AATK: variants seen among roughly 807,000 people sequenced by gnomAD.
The protein encoded by AATK is lemur tail kinase 1.
Under a neutral mutation model 114.3 loss-of-function variants are expected in AATK, and 91 were observed. The observed-to-expected ratio is 0.80, with a 90% CI of 0.67 to 0.95. The LOEUF (loss-of-function observed/expected upper bound fraction) is 0.95, where lower values mean the gene tolerates loss of function less well. Among genes scored for constraint, AATK ranks in the 40% least tolerant of loss-of-function variants. The probability of loss-of-function intolerance (pLI) is 0.00; values close to 1 mark genes in which losing one functional copy is unlikely to be tolerated. For synonymous variants in AATK, 1,075 were observed against 916.5 expected (o/e 1.17, Z -3.12); for missense variants, 2,176 against 1,965.2 (o/e 1.11, Z -2.03).
chr17:81,122,761 T>C lies in AATK; in HGVS notation c.1175A>G (p.His392Arg). 1 of 1,598,572 alleles carries C rather than the reference T, an allele frequency of 6.3e-7. No individual in the cohort carries two copies. The highest frequency in any genetic ancestry group is 8.5e-7 in the Non-Finnish European group (1 of 1,173,760). Residue 392 changes from histidine to arginine, a missense_variant, in exon 11 of 14, where the codon CAC (histidine) becomes CGC (arginine). By Grantham distance (29) the His-to-Arg change is conservative. Coordinates refer to ENST00000326724, the MANE Select transcript of AATK (RefSeq NM_001080395.3). ...GGCACACAGGTAGGACAGCAGCAGG[T>C]GCACCTCCTCGGCTGTGGGCCGCTG... ...PEQRPTAEEV[H>R]LLLSYLCAKG...
In AATK at chr17:81,121,879, T is replaced by C. The variant is rs1330972464; in HGVS notation, c.2057A>G (p.Asn686Ser). The stretch of plus-strand genomic sequence containing the variant: ...CTCTGGACAGCGGCTGCCGCTGTTG[T>C]TGTTGGCTGACACGTTGGAGCGCCA... The part of the protein sequence containing the change: ...GHWRSNVSAN[N>S]NSGSRCPESW... The change falls in exon 11 of 14, where the codon AAC becomes AGC. Residue 686 changes from asparagine (N) to serine (S), a missense_variant. Transcript: ENST00000326724. 6.3e-7 allele frequency: 1 copy of C among 1,599,790 alleles called. No individual in the cohort carries two copies. Among genetic ancestry groups the C allele is most frequent in the Non-Finnish European group, 8.5e-7 (1 of 1,179,056 alleles).
intron 1 of AATK, among the ~76,000 whole-genome samples, chr17:81,151,955 A>C (rs936482788): frequency 1.3e-5 from 2 of 152,238 alleles, no homozygotes; most frequent in South Asian, 4.1e-4. Flanking sequence ...AACCCCTCAC[A>C]GGCAGTGCCA....
At chr17:81,154,110 A>G (rs1012596140) in intron 1 of AATK, among the ~76,000 whole-genome samples, 9 of 151,954 alleles carry the variant, frequency 5.9e-5, no homozygotes, top group Non-Finnish European at 1.5e-5. Context: ...GAGCAGTGCC[A>G]TGTAGAAGAT....
rs2061485706 is a variant in AATK at position 81,165,938 on chromosome 17, CG to C, written c.54del (p.Asp19ThrfsTer110). The C allele has an allele frequency of 1.9e-6, 3 of 1,580,084 alleles. No homozygotes were observed. The highest frequency in any genetic ancestry group is 2.6e-6 in the Non-Finnish European group (3 of 1,164,778). ...GCAGGCCGGGCCGCCAGGGACTCAC[CG>C]GGGTCGAAGTGCGAGCTGAAGGCGA... ...PSFAFSSHFDPDGAPLSELSW... is the reference protein window; with the variant it reads ...PSFAFSSHFDXDGAPLSELSW... On this transcript the variant is annotated frameshift_variant and splice_region_variant, in exon 1 of 14. Transcript: ENST00000326724. LOFTEE classifies it high-confidence loss of function.
rs549451633 is a variant in AATK, at chr17:81,156,523, G to C, written c.55+9415C>G. Reference sequence around the variant, plus strand: ...TGCCATTCTCCTGCCTCAGCCTCCCGAGGAGCTGGGACTACAGGCGCCAGC... The same window carrying C: ...TGCCATTCTCCTGCCTCAGCCTCCCCAGGAGCTGGGACTACAGGCGCCAGC... On this transcript the variant is annotated intron_variant, in intron 1 of 13. Coordinates refer to ENST00000326724, the MANE Select transcript of AATK (RefSeq NM_001080395.3). Among the ~76,000 whole-genome samples the C allele has an allele frequency of 1.0e-3, 158 of 152,086 alleles. 2 individuals carry two copies. In the East Asian group the frequency reaches 0.023, roughly 22 times the overall value.
chr17:81,147,663 G>A (rs927869605), intron 1 of AATK, among the ~76,000 whole-genome samples: 3 of 152,142 alleles, frequency 2.0e-5, no homozygotes, highest in South Asian at 2.1e-4. Flanking sequence ...GGCTGAGGTC[G>A]GAGGATCGCT....
intron 13 of AATK, among the ~76,000 whole-genome samples, chr17:81,119,172 G>A (rs1269593067): frequency 6.9e-6 from 1 of 144,660 alleles, no homozygotes; most frequent in Admixed American, 6.8e-5. Flanking sequence ...TCAGGTGAGG[G>A]TCAGGTGAGG....
At position 81,131,185 on chromosome 17, in the gene AATK, C is replaced by T. The variant is rs1266053642; in HGVS notation, c.210G>A (p.Gly70=). ...GCGCCAGGTCGGCTGCGTACTCGTC[C>T]CCCTCCGCATTCTCAAACTCCTGCG... The part of the protein sequence containing the change: ...IGFKEFENAE[G]DEYAADLAQG... Residue 70 remains glycine (G), a synonymous_variant, in exon 3 of 14, where the codon GGG becomes GGA. Transcript: ENST00000326724. The T allele has an allele frequency of 6.3e-7, 1 of 1,581,348 alleles. No individual in the cohort carries two copies. The highest frequency in any genetic ancestry group is 1.2e-5 in the South Asian group (1 of 86,864).
intron 1 of AATK, 97 bp downstream of exon 1, chr17:81,165,841 T>G (rs1363684182): frequency 1.3e-6 from 2 of 1,523,116 alleles, no homozygotes; most frequent in Admixed American, 2.1e-5. Context: ...GGGGAAAGGG[T>G]TAATTTCCAT....
chr17:81,122,201 C>A lies in AATK; in HGVS notation c.1735G>T (p.Gly579Cys). ...AASLAMEPLL[G>C]HGPPVDVPWG... ...GGGACGTCGACGGGTGGCCCGTGGC[C>A]CAGCAGCGGCTCCATGGCCAGCGAG... The change falls in exon 11 of 14, where the codon GGC becomes TGC. Residue 579 changes from glycine (G) to cysteine (C), a missense_variant. Coordinates refer to ENST00000326724, the MANE Select transcript of AATK (RefSeq NM_001080395.3). The A allele has an allele frequency of 6.7e-7, 1 of 1,503,050 alleles. No individual in the cohort carries two copies. The highest frequency in any genetic ancestry group is 2.5e-5 in the East Asian group (1 of 39,898). 93.1% of individuals were successfully genotyped at this position (1,503,050 alleles called of 1,614,324 possible). A position where few individuals can be genotyped will look rare whatever the true frequency, so the allele number is the denominator to read the frequency against.
At position 81,119,405 on chromosome 17, in the gene AATK, A is replaced by C; in HGVS notation, c.4059T>G (p.Ser1353=). The C allele has an allele frequency of 6.4e-7, 1 of 1,555,954 alleles. No homozygotes were observed. The highest frequency in any genetic ancestry group is 8.6e-7 in the Non-Finnish European group (1 of 1,157,812). Residue 1353 remains serine, a synonymous_variant, in exon 13 of 14, where the codon TCT becomes TCG. Coordinates refer to ENST00000326724, the MANE Select transcript of AATK (RefSeq NM_001080395.3). ...PTSRFSITHV[S]DSDAESKRGP... is the part of the protein sequence containing the mutation. ...CTCTCTTGGACTCGGCGTCCGAGTC[A>C]GACACGTGCGTGATGGAGAAGCGGG...
intron 1 of AATK, among the ~76,000 whole-genome samples, chr17:81,155,945 G>A (rs1377933032): frequency 6.6e-6 from 1 of 152,188 alleles, no homozygotes; most frequent in Non-Finnish European, 1.5e-5. Context: ...GCCTCCCAAA[G>A]TGCTGGGATT....
At chr17:81,133,180 C>T in intron 2 of AATK, 1 of 479,258 alleles carries the variant, frequency 2.1e-6, no homozygotes, top group Non-Finnish European at 4.3e-6. Context: ...CACGCAGCTC[C>T]TCACTGGTTG....
Position 81,121,978 on chromosome 17 carries a change from GC to G in AATK, c.1957del (p.Ala653ArgfsTer6). 1 of 1,600,110 alleles carries G rather than the reference GC, an allele frequency of 6.2e-7. No homozygotes were observed. ...LGTSPLGSSG[A>X]PPLPLTGEDE... ...CTCGCCAGTCAGCGGCAGCGGGGGCGCCCCTGAGCTCCCCAAAGGGGACGTG... is the reference window on the plus strand; with the variant it reads ...CTCGCCAGTCAGCGGCAGCGGGGGCGCCCTGAGCTCCCCAAAGGGGACGTG... On this transcript the variant is annotated frameshift_variant, in exon 11 of 14. Coordinates refer to ENST00000326724, the MANE Select transcript of AATK (RefSeq NM_001080395.3). LOFTEE classifies it high-confidence loss of function.
At chr17:81,160,519 C>T (rs906183) in intron 1 of AATK, among the ~76,000 whole-genome samples, 24,499 of 152,290 alleles carry the variant, frequency 0.16, 2,901 homozygotes, top group African/African-American at 0.33. Flanking sequence ...GTCCCGCGGG[C>T]GCTTGTTCCT....
intron 1 of AATK, among the ~76,000 whole-genome samples, chr17:81,149,017 G>A (rs891074257): frequency 2.6e-5 from 4 of 152,172 alleles, no homozygotes; most frequent in Non-Finnish European, 4.4e-5. Flanking sequence ...ATGGGGCAGC[G>A]ACCCAGGCTC....
intron 1 of AATK, among the ~76,000 whole-genome samples, chr17:81,148,802 ACACT>A (rs60741428): frequency 0.4 from 60,676 of 151,920 alleles, 12,685 homozygotes; most frequent in South Asian, 0.54. Flanking sequence ...GCATATGCAC[ACACT>A]CACGCGCACA....
Position 81,141,687 on chromosome 17 carries a change from GGCC to G in AATK, c.56-7189_56-7187del, listed in dbSNP as rs1459306796. ...TTGGTGGCTGGGCAGGTCCCCAGAG[GGCC>G]GCCATCAGTCCTCAAAGACATGCTC... On this transcript the variant is annotated intron_variant, in intron 1 of 13. Coordinates refer to ENST00000326724, the MANE Select transcript of AATK (RefSeq NM_001080395.3). Among the ~76,000 whole-genome samples the G allele has an allele frequency of 2.0e-5, 3 of 152,152 alleles. No homozygotes were observed. In the East Asian group the frequency reaches 5.8e-4, roughly 29 times the overall value.
intron 7 of AATK, chr17:81,125,950 G>A: frequency 4.2e-6 from 2 of 480,084 alleles, no homozygotes; most frequent in Non-Finnish European, 8.6e-6. Context: ...TTGTTGGAGA[G>A]GACAGCCGTG....
Sources: gnomAD v4.1 joint callset for allele counts (sites outside exome capture counted in the v4.1 genomes callset) on GRCh38, gnomAD v4.1.1 for gene constraint, MANE v1.5 for transcripts, NCBI Gene and HGNC (gene_info 2026-07-23, HGNC 2026-07-21) for gene names.